The following GNG7 variants were observed in gnomAD, a reference collection of about 807,000 sequenced individuals.
GNG7 encodes the protein guanine nucleotide-binding protein G(I)/G(S)/G(O) subunit gamma-7.
In GNG7, 1 loss-of-function variant was observed where a neutral mutation model predicts 4.0. That is an observed-to-expected ratio of 0.25 (90% CI 0.09 to 1.18). The LOEUF is 1.18. Among genes scored for constraint, GNG7 ranks in the 50% most tolerant of loss-of-function variants. The pLI is 0.50. For synonymous variants in GNG7, 34 were observed against 36.9 expected (o/e 0.92, Z 0.29); for missense variants, 86 against 91.9 (o/e 0.94, Z 0.26).
chr19:2,625,227 C>CG, intron 2 of GNG7, among the ~76,000 whole-genome samples: 1 of 152,178 alleles, frequency 6.6e-6, no homozygotes, highest in Admixed American at 6.5e-5. Context: ...CACCACTGCA[C>CG]CCGGCTAATT....
intron 2 of GNG7, among the ~76,000 whole-genome samples, chr19:2,590,267 CA>C (rs1480766591): frequency 6.6e-6 from 1 of 152,066 alleles, no homozygotes. Context: ...AGAGGTAAGG[CA>C]AAAAATAGAA....
In GNG7 at chr19:2,520,742, G is replaced by A; in HGVS notation, c.-37-17C>T. Reference sequence around the variant, plus strand: ...TTCAGAGAGCTGTGGGGGAAGCAGAGGGGTGTGGGTCAAAGTTCAGGTCAG... The same window carrying A: ...TTCAGAGAGCTGTGGGGGAAGCAGAAGGGTGTGGGTCAAAGTTCAGGTCAG... On this transcript the variant is annotated splice_polypyrimidine_tract_variant and intron_variant, in intron 3 of 4. Transcript: ENST00000382159. The A allele has an allele frequency of 1.8e-6, 2 of 1,115,408 alleles. No individual in the cohort carries two copies. Among genetic ancestry groups the A allele is most frequent in the East Asian group, 5.2e-5 (2 of 38,732 alleles). The allele number at this position is 1,115,408 out of a possible 1,614,324, so 69.1% of individuals were successfully genotyped here.
chr19:2,524,464 G>A (rs560886308), intron 3 of GNG7, among the ~76,000 whole-genome samples: 92 of 152,306 alleles, frequency 6.0e-4, no homozygotes, highest in African/African-American at 2.0e-3. Flanking sequence ...TGTACCTTGC[G>A]TGTGCATGTA....
chr19:2,621,708 C>T (rs1321006984), intron 2 of GNG7, among the ~76,000 whole-genome samples: 1 of 151,908 alleles, frequency 6.6e-6, no homozygotes, highest in South Asian at 2.1e-4. Flanking sequence ...AACAAACAAA[C>T]AAACAAACAA....
Position 2,540,113 on chromosome 19 carries a change from T to C in GNG7, c.-38+15036A>G, listed in dbSNP as rs115234303. Among the ~76,000 whole-genome samples the C allele has an allele frequency of 5.4e-3, 795 of 148,498 alleles. 8 individuals carry two copies. The highest frequency in any genetic ancestry group is 0.018 in the African/African-American group (744 of 40,220). On this transcript the variant is annotated intron_variant, in intron 3 of 4. Transcript: ENST00000382159. ...CTGTTTCTTTCTCAATTTCTTTCTT[T>C]TCTTTTCTCCTTCCTTCCTTCCGTC...
In GNG7 at chr19:2,593,939, A is replaced by AAAC. The variant is rs529426009; in HGVS notation, c.-77-38752_-77-38751insGTT. Among the ~76,000 whole-genome samples the AAAC allele has an allele frequency of 1.4e-3, 220 of 151,876 alleles. 8 individuals are homozygous for AAAC. The South Asian group carries it at 0.045, about 31-fold the overall frequency. ...GAAATATTTGATGCCAAAAAAAAAAAAAAACTTTCTTACCTCATTCACCCC... is the reference window on the plus strand; with the variant it reads ...GAAATATTTGATGCCAAAAAAAAAAAAACAAAACTTTCTTACCTCATTCACCCC... On this transcript the variant is annotated intron_variant, in intron 2 of 4. Coordinates refer to ENST00000382159, the MANE Select transcript of GNG7 (RefSeq NM_052847.3).
chr19:2,565,443 C>T (rs1462765355), intron 2 of GNG7, among the ~76,000 whole-genome samples: 2 of 149,926 alleles, frequency 1.3e-5, no homozygotes, highest in African/African-American at 2.5e-5. Context: ...ACCCGAGAGG[C>T]GGAGGTTGCA....
intron 2 of GNG7, chr19:2,642,735 C>T (rs903419003): frequency 8.8e-6 from 4 of 452,242 alleles, no homozygotes; most frequent in African/African-American, 8.0e-5. Context: ...CTCAAGCCAT[C>T]CTCCTGCCTT....
At chr19:2,651,530 C>G (rs887906012) in intron 1 of GNG7, among the ~76,000 whole-genome samples, 7 of 144,084 alleles carry the variant, frequency 4.9e-5, no homozygotes, top group African/African-American at 1.6e-4. Flanking sequence ...CTTCTTTCTT[C>G]TTTCTCTTTC....
In GNG7 at chr19:2,511,781, C is replaced by T; in HGVS notation, c.*3241G>A. On this transcript the variant is annotated 3_prime_UTR_variant, in exon 5 of 5. Transcript: ENST00000382159. The surrounding 1 kb of genome is among the most constrained non-coding windows in gnomAD (Gnocchi z 6.3). ...GCACCTTCCGCCCTGGCCCAGCCGCCCCGTTTATGTCCCCAGAGGCCAGAG... is the reference window on the plus strand; with the variant it reads ...GCACCTTCCGCCCTGGCCCAGCCGCTCCGTTTATGTCCCCAGAGGCCAGAG... 1.0e-6 allele frequency: 1 copy of T among 985,576 alleles called. No homozygotes were observed. Among genetic ancestry groups the T allele is most frequent in the African/African-American group, 1.7e-5 (1 of 57,352 alleles). The allele number at this position is 985,576 out of a possible 1,614,324, so 61.1% of individuals were successfully genotyped here.
At chr19:2,622,282 T>C (rs1473795335) in intron 2 of GNG7, among the ~76,000 whole-genome samples, 1 of 152,136 alleles carries the variant, frequency 6.6e-6, no homozygotes, top group South Asian at 2.1e-4. Context: ...GGTTTCACCA[T>C]GTTAGCCAGG....
intron 2 of GNG7, among the ~76,000 whole-genome samples, chr19:2,631,209 T>A (rs1290497272): frequency 6.6e-6 from 1 of 152,086 alleles, no homozygotes; most frequent in East Asian, 1.9e-4. Context: ...ACGAGGGCAT[T>A]GAGGTTCAGA....
intron 2 of GNG7, among the ~76,000 whole-genome samples, chr19:2,588,861 T>C (rs1980756220): frequency 6.6e-6 from 1 of 152,114 alleles, no homozygotes; most frequent in African/African-American, 2.4e-5. Flanking sequence ...TGGTGGCACC[T>C]CTCTTCCCAG....
Position 2,513,723 on chromosome 19 carries a change from G to T in GNG7, c.*1299C>A. On this transcript the variant is annotated 3_prime_UTR_variant, in exon 5 of 5. Transcript: ENST00000382159. The stretch of plus-strand genomic sequence containing the variant: ...GTCTCACCTCCCAGAGTCCTTCAGA[G>T]TCACTCCAAGATCATGGAACAATTT... 4.7e-6 allele frequency: 1 copy of T among 212,446 alleles called. No homozygotes were observed. Among genetic ancestry groups the T allele is most frequent in the Non-Finnish European group, 8.1e-6 (1 of 123,236 alleles). The allele number at this position is 212,446 out of a possible 1,614,324, so 13.2% of individuals were successfully genotyped here.
rs529803793 is a variant in GNG7, at chr19:2,650,183, C to CTTT, written c.-134-3906_-134-3904dup. Reference sequence around the variant, plus strand: ...CTGTGAATATTCGTGTCATAGGAATCTTTTTTTTTTTTTTTTTTGAGACAG... The same window carrying CTTT: ...CTGTGAATATTCGTGTCATAGGAATCTTTTTTTTTTTTTTTTTTTTTGAGACAG... On this transcript the variant is annotated intron_variant, in intron 1 of 4. Coordinates refer to ENST00000382159, the MANE Select transcript of GNG7 (RefSeq NM_052847.3). Among the ~76,000 whole-genome samples, 1,243 of 125,948 alleles carry CTTT rather than the reference C, an allele frequency of 9.9e-3. 31 individuals are homozygous for CTTT. Among genetic ancestry groups the CTTT allele is most frequent in the Middle Eastern group, 0.025 (6 of 242 alleles). The allele number at this position is 125,948 out of a possible 152,430, so 82.6% of individuals were successfully genotyped here. A position where few individuals can be genotyped will look rare whatever the true frequency, so the allele number is the denominator to read the frequency against.
intron 1 of GNG7, among the ~76,000 whole-genome samples, chr19:2,648,343 C>T (rs1354480794): frequency 2.0e-5 from 3 of 151,898 alleles, no homozygotes; most frequent in Non-Finnish European, 4.4e-5. Context: ...CTGCAGTGAT[C>T]TGCGATTGTG....
intron 1 of GNG7, among the ~76,000 whole-genome samples, chr19:2,663,778 A>C (rs2144881840): frequency 6.6e-6 from 1 of 152,338 alleles, no homozygotes; most frequent in East Asian, 1.9e-4. Context: ...ACCAGTTTTT[A>C]AAACTGAACA....
chr19:2,637,201 C>G (rs1441863073), intron 2 of GNG7, among the ~76,000 whole-genome samples: 2 of 109,778 alleles, frequency 1.8e-5, no homozygotes, highest in Non-Finnish European at 3.8e-5. Context: ...TCAGAGGCCC[C>G]AGGAACAGGC....
chr19:2,536,619 C>T (rs1482120603), intron 3 of GNG7, among the ~76,000 whole-genome samples: 2 of 152,140 alleles, frequency 1.3e-5, no homozygotes, highest in Non-Finnish European at 1.5e-5. Flanking sequence ...GTGTGTGGGT[C>T]GTATATGTGA....
Sources: gnomAD v4.1 joint callset for allele counts (sites outside exome capture counted in the v4.1 genomes callset) on GRCh38, gnomAD v4.1.1 for gene constraint, Gnocchi (gnomAD v3.1) non-coding constraint, MANE v1.5 for transcripts, NCBI Gene and HGNC (gene_info 2026-07-23, HGNC 2026-07-21) for gene names.